The following EHD4 variants were observed in gnomAD, a reference collection of about 807,000 sequenced individuals.
The protein encoded by EHD4 is EH domain containing 4, also known as EH domain-containing protein 4.
In EHD4, 37 loss-of-function variants were observed where a neutral mutation model predicts 51.0. The observed-to-expected ratio is 0.73, with a 90% CI of 0.56 to 0.95. The LOEUF (loss-of-function observed/expected upper bound fraction) is 0.95. Ranked by LOEUF, EHD4 falls within the 40% of genes least tolerant of loss-of-function variation. The pLI is 0.00. For missense variants in EHD4, 632 were observed against 733.1 expected, an observed-to-expected ratio of 0.86 and a Z score of 1.59; for synonymous variants, 297 against 317.3, an observed-to-expected ratio of 0.94 and a Z score of 0.68.
chr15:41,901,257 G>A, intron 5 of EHD4, 76 bp from the exon 6 acceptor site: 1 of 1,460,526 alleles, frequency 6.8e-7, no homozygotes. Context: ...ACTGGAGGGA[G>A]ACTAATTCTG....
At chr15:41,903,273 G>A (rs1482364908) in intron 5 of EHD4, among the ~76,000 whole-genome samples, 5 of 141,428 alleles carry the variant, frequency 3.5e-5, no homozygotes, top group Non-Finnish European at 7.6e-5. Context: ...AATGTGACAG[G>A]CTGCTAGGAA....
intron 3 of EHD4, among the ~76,000 whole-genome samples, chr15:41,940,066 GCCTCGGCCTC>G (rs2067758800): frequency 6.6e-6 from 1 of 152,116 alleles, no homozygotes; most frequent in African/African-American, 2.4e-5. Context: ...GGATCCTCGT[GCCTCGGCCTC>G]CCAAAGGGCT....
chr15:41,925,059 C>CAA (rs10612546), intron 3 of EHD4, among the ~76,000 whole-genome samples: 2 of 139,832 alleles, frequency 1.4e-5, no homozygotes, highest in Non-Finnish European at 3.1e-5. Context: ...GACTGTATCT[C>CAA]AAAAAAAAAA....
rs1308700240 is a variant in EHD4 at position 41,943,047 on chromosome 15, G to A, written c.511+20C>T. ...GCCTCAGCCAGCACTTGGTGGGGAG[G>A]GGCAGGGACAGGCACTGACCTCGGC... On this transcript the variant is annotated intron_variant, in intron 3 of 5. Transcript: ENST00000220325. 1 of 1,553,458 alleles carries A rather than the reference G, an allele frequency of 6.4e-7. No individual in the cohort carries two copies. Among genetic ancestry groups the A allele is most frequent in the African/African-American group, 1.4e-5 (1 of 73,830 alleles).
chr15:41,926,491 A>G (rs1392999632), intron 3 of EHD4, among the ~76,000 whole-genome samples: 4 of 152,102 alleles, frequency 2.6e-5, no homozygotes, highest in Non-Finnish European at 5.9e-5. Flanking sequence ...TCCTGGCTGC[A>G]TGTTCACCTT....
At position 41,925,020 on chromosome 15, in the gene EHD4, G is replaced by A. The variant is rs576395809; in HGVS notation, c.512-5398C>T. On this transcript the variant is annotated intron_variant, in intron 3 of 5. Transcript: ENST00000220325. ...GGCTGCAGTGAGCCGAGACTGTGCC[G>A]CTGTACTCCAGCCTGGGTGACAGCG... Among the ~76,000 whole-genome samples, 7 of 149,956 alleles carry A rather than the reference G, an allele frequency of 4.7e-5. No individual in the cohort carries two copies. In the East Asian group the frequency reaches 7.8e-4, roughly 17 times the overall value.
At chr15:41,939,124 T>C (rs1237616855) in intron 3 of EHD4, among the ~76,000 whole-genome samples, 2 of 152,186 alleles carry the variant, frequency 1.3e-5, no homozygotes. Context: ...AAGGATGTTC[T>C]GAAGAGTGAA....
chr15:41,934,498 T>C (rs1421659222), intron 3 of EHD4, among the ~76,000 whole-genome samples: 1 of 152,084 alleles, frequency 6.6e-6, no homozygotes, highest in Non-Finnish European at 1.5e-5. Flanking sequence ...TTATTTTTTG[T>C]GGAGACTGGG....
At chr15:41,937,378 G>A (rs2067738891) in intron 3 of EHD4, among the ~76,000 whole-genome samples, 1 of 151,948 alleles carries the variant, frequency 6.6e-6, no homozygotes. Flanking sequence ...CCCTCGACTC[G>A]GTGCTAGGCA....
chr15:41,932,900 C>T (rs750610878), intron 3 of EHD4, among the ~76,000 whole-genome samples: 1 of 152,212 alleles, frequency 6.6e-6, no homozygotes, highest in Non-Finnish European at 1.5e-5. Context: ...CCGAGAGGGC[C>T]CTCTGAGCTG....
At chr15:41,926,441 A>G (rs2140991683) in intron 3 of EHD4, among the ~76,000 whole-genome samples, 1 of 152,088 alleles carries the variant, frequency 6.6e-6, no homozygotes, top group African/African-American at 2.4e-5. Flanking sequence ...CACTGCCCCC[A>G]GCACTTTCTG....
intron 2 of EHD4, among the ~76,000 whole-genome samples, chr15:41,952,473 G>A (rs746660555): frequency 3.9e-5 from 6 of 152,074 alleles, no homozygotes; most frequent in Non-Finnish European, 8.8e-5. Flanking sequence ...TTACACAAAC[G>A]CAAGGGGTAG....
Position 41,919,392 on chromosome 15 carries a change from T to G in EHD4, c.742A>C (p.Asn248His). ...ALMWSLGKVI[N>H]TPEVLRVYIG... is the part of the protein sequence containing the mutation. ...TAGACGCGCAGTACCTCGGGCGTGT[T>G]GATGACCTTGCCTAGGGACCACATG... is the stretch of plus-strand genomic sequence containing the variant. Residue 248 changes from asparagine (N) to histidine (H), a missense_variant, in exon 4 of 6, where the codon AAC becomes CAC. Physicochemically the swap from Asn to His is moderately conservative, Grantham distance 68. Coordinates refer to ENST00000220325, the MANE Select transcript of EHD4 (RefSeq NM_139265.4). 1 of 1,609,978 alleles carries G rather than the reference T, an allele frequency of 6.2e-7. No homozygotes were observed. Among genetic ancestry groups the G allele is most frequent in the South Asian group, 1.1e-5 (1 of 90,636 alleles).
chr15:41,946,238 A>G (rs1053998998), intron 2 of EHD4, among the ~76,000 whole-genome samples: 2 of 152,180 alleles, frequency 1.3e-5, no homozygotes, highest in Non-Finnish European at 2.9e-5. Flanking sequence ...CATGGCCCTC[A>G]CCCGAGGATG....
chr15:41,954,482 A>G (rs747802918), intron 1 of EHD4, among the ~76,000 whole-genome samples: 2 of 150,898 alleles, frequency 1.3e-5, no homozygotes, highest in African/African-American at 2.4e-5. Context: ...GTTTTGACTG[A>G]TTCTAATGTA....
At chr15:41,972,185 G>A (rs1954367882) in intron 1 of EHD4, 74 bp downstream of exon 1, 7 of 1,264,836 alleles carry the variant, frequency 5.5e-6, no homozygotes, top group Non-Finnish European at 6.0e-6. Flanking sequence ...GCAGCGGCGG[G>A]AGGCGGCCGA....
chr15:41,909,082 T>C (rs1266014921), intron 5 of EHD4, among the ~76,000 whole-genome samples: 1 of 152,244 alleles, frequency 6.6e-6, no homozygotes, highest in East Asian at 1.9e-4. Context: ...GAGGTAGATA[T>C]GCCGGTCAGG....
At chr15:41,906,137 T>C (rs372679220) in intron 5 of EHD4, among the ~76,000 whole-genome samples, 32 of 152,344 alleles carry the variant, frequency 2.1e-4, no homozygotes, top group African/African-American at 7.0e-4. Context: ...GTCAAATCCA[T>C]GGACTGGATT....
At chr15:41,918,810 A>G (rs537886266) in intron 4 of EHD4, among the ~76,000 whole-genome samples, 1 of 152,328 alleles carries the variant, frequency 6.6e-6, no homozygotes, top group South Asian at 2.1e-4. Context: ...GGTCTCACCA[A>G]TGCCACCTCT....
Sources: gnomAD v4.1 joint callset for allele counts (sites outside exome capture counted in the v4.1 genomes callset) on GRCh38, gnomAD v4.1.1 for gene constraint, MANE v1.5 for transcripts, NCBI Gene and HGNC (gene_info 2026-07-23, HGNC 2026-07-21) for gene names.